The following NINJ1 variants were observed in gnomAD, a reference collection of about 807,000 sequenced individuals.
NINJ1 encodes the protein ninjurin 1.
A neutral mutation model predicts 12.7 loss-of-function variants in NINJ1; 6 were observed. The ratio of observed to expected loss-of-function variants is 0.47; its 90% CI spans 0.26 to 0.93. The LOEUF (loss-of-function observed/expected upper bound fraction) is 0.93, where lower values mean the gene tolerates loss of function less well. NINJ1 is among the 40% of genes least tolerant of loss of function. The pLI, the probability that NINJ1 is intolerant of heterozygous loss-of-function variation, is 0.15. For missense variants in NINJ1, 170 were observed against 213.0 expected (o/e 0.80, Z 1.26); for synonymous variants, 100 against 96.0 (o/e 1.04, Z -0.25).
intron 2 of NINJ1, chr9:93,125,270 C>T: frequency 2.0e-6 from 1 of 495,450 alleles, no homozygotes; most frequent in Middle Eastern, 5.3e-4. Flanking sequence ...GCTTGGGCAA[C>T]CCCACGGTCT....
At chr9:93,127,956 G>A (rs1041042114) in intron 1 of NINJ1, among the ~76,000 whole-genome samples, 3 of 152,266 alleles carry the variant, frequency 2.0e-5, no homozygotes, top group African/African-American at 7.2e-5. Flanking sequence ...AGAACCAGCA[G>A]AGGGCAGGGG....
At chr9:93,126,145 C>T (rs139855807) in intron 2 of NINJ1, 129 of 501,626 alleles carry the variant, frequency 2.6e-4, no homozygotes, top group African/African-American at 1.8e-3. Flanking sequence ...TGCAGTGAGC[C>T]GAGACTGCGC....
chr9:93,130,255 G>A (rs1827872842), intron 1 of NINJ1, among the ~76,000 whole-genome samples: 1 of 152,146 alleles, frequency 6.6e-6, no homozygotes, highest in Non-Finnish European at 1.5e-5. Context: ...TGGACGGTCG[G>A]CCTCCCCACT....
chr9:93,131,197 A>G (rs1235162885), intron 1 of NINJ1, among the ~76,000 whole-genome samples: 2 of 152,186 alleles, frequency 1.3e-5, no homozygotes, highest in Non-Finnish European at 2.9e-5. Flanking sequence ...AGGGTCTCCC[A>G]GCTCCATGTC....
At chr9:93,130,238 C>T (rs1827871853) in intron 1 of NINJ1, among the ~76,000 whole-genome samples, 1 of 152,130 alleles carries the variant, frequency 6.6e-6, no homozygotes, top group Non-Finnish European at 1.5e-5. Context: ...CCTCATGCAA[C>T]CTTCTGTGGA....
chr9:93,134,220 T>G lies in NINJ1; in HGVS notation c.-3A>C. 6.7e-7 allele frequency: 1 copy of G among 1,483,632 alleles called. No homozygotes were observed. The highest frequency in any genetic ancestry group is 9.0e-7 in the Non-Finnish European group (1 of 1,108,064). 91.9% of individuals were successfully genotyped at this position (1,483,632 alleles called of 1,614,324 possible). A position where few individuals can be genotyped will look rare whatever the true frequency, so the allele number is the denominator to read the frequency against. ...TACTCCTCGGTTCCCGAGTCCATGG[T>G]GCGGCCGCCCAGGCCGCCAGGATCC... On this transcript the variant is annotated 5_prime_UTR_variant, in exon 1 of 4. Coordinates refer to ENST00000375446, the MANE Select transcript of NINJ1 (RefSeq NM_004148.4).
In NINJ1 at chr9:93,134,159, C is replaced by G. The variant is rs904175347; in HGVS notation, c.59G>C (p.Gly20Ala). 45 of 1,558,228 alleles carry G rather than the reference C, an allele frequency of 2.9e-5. No individual in the cohort carries two copies. The highest frequency in any genetic ancestry group is 3.9e-5 in the Non-Finnish European group (45 of 1,152,002). The change falls in exon 1 of 4, where the codon GGC (glycine) becomes GCC (alanine). Residue 20 changes from glycine (G) to alanine (A), a missense_variant. Gly to Ala is a moderately conservative substitution (Grantham distance 60, BLOSUM62 0). Transcript: ENST00000375446. ...AGGTCTTACCGAGGCGTCCGGGGAG[C>G]CGGGTGTGCCCGGAGGCAGGCCGCC... ...LNGGLPPGTP[G>A]SPDASPARWG...
At chr9:93,126,339 T>A in intron 2 of NINJ1, 71 bp downstream of exon 2, 1 of 1,361,622 alleles carries the variant, frequency 7.3e-7, no homozygotes, top group Non-Finnish European at 1.0e-6. Context: ...GGTGGGCACC[T>A]GTCCCAGGCG....
At chr9:93,126,147 A>G (rs778663239) in intron 2 of NINJ1, 17 of 509,694 alleles carry the variant, frequency 3.3e-5, no homozygotes, top group Non-Finnish European at 5.6e-5. Flanking sequence ...CAGTGAGCCG[A>G]GACTGCGCCA....
Position 93,131,260 on chromosome 9 carries a change from G to A in NINJ1, c.75+2883C>T, listed in dbSNP as rs932173315. Among the ~76,000 whole-genome samples the A allele has an allele frequency of 9.9e-5, 15 of 152,244 alleles. 1 individual carries two copies. Reference sequence around the variant, plus strand: ...GACAGCAGGAAGTGCTGGAAGGCGGGGTTCCCACCACAGCTGGGCCAGGCA... The same window carrying A: ...GACAGCAGGAAGTGCTGGAAGGCGGAGTTCCCACCACAGCTGGGCCAGGCA... On this transcript the variant is annotated intron_variant, in intron 1 of 3. Transcript: ENST00000375446.
At chr9:93,126,250 G>T in intron 2 of NINJ1, 160 bp downstream of exon 2, 1 of 594,140 alleles carries the variant, frequency 1.7e-6, no homozygotes, top group Non-Finnish European at 2.9e-6. Flanking sequence ...GGGGAGGGGG[G>T]GTGCCACTTC....
chr9:93,131,204 T>C (rs1181927344), intron 1 of NINJ1, among the ~76,000 whole-genome samples: 2 of 152,176 alleles, frequency 1.3e-5, no homozygotes, highest in Non-Finnish European at 2.9e-5. Flanking sequence ...CCCAGCTCCA[T>C]GTCTGTGTTC....
At chr9:93,129,716 T>C (rs7875586) in intron 1 of NINJ1, among the ~76,000 whole-genome samples, 146,655 of 152,292 alleles carry the variant, frequency 0.96, 70,670 homozygotes, top group African/African-American at 0.99. Flanking sequence ...CCCAGAGCCA[T>C]CTCCCAGGAC....
At chr9:93,124,805 A>C (rs1217693218) in intron 3 of NINJ1, 94 bp downstream of exon 3, 6 of 1,370,422 alleles carry the variant, frequency 4.4e-6, no homozygotes, top group Non-Finnish European at 5.9e-6. Context: ...GAAGGTGTCC[A>C]AGGCTGGCCG....
chr9:93,128,253 T>C (rs1827841625), intron 1 of NINJ1, among the ~76,000 whole-genome samples: 1 of 152,214 alleles, frequency 6.6e-6, no homozygotes, highest in East Asian at 1.9e-4. Flanking sequence ...ATGGGGTGTC[T>C]ACTTTGCCTC....
chr9:93,126,727 CAGGTG>C, intron 1 of NINJ1, 89 bp from the exon 2 acceptor site: 1 of 966,162 alleles, frequency 1.0e-6, no homozygotes, highest in South Asian at 1.6e-5. Flanking sequence ...CCGGGCCCTG[CAGGTG>C]AGGGCTTCCC....
intron 1 of NINJ1, 131 bp downstream of exon 1, chr9:93,134,012 C>T (rs1460357433): frequency 1.0e-5 from 6 of 579,904 alleles, no homozygotes; most frequent in Non-Finnish European, 1.6e-5. Flanking sequence ...GCGGGAAGGA[C>T]TTGGCCTAGA....
chr9:93,134,109 G>C, intron 1 of NINJ1, 34 bp downstream of exon 1: 1 of 1,505,966 alleles, frequency 6.6e-7, no homozygotes, highest in Non-Finnish European at 9.0e-7. Flanking sequence ...ACAGGGCCTG[G>C]CAAGATCATG....
intron 1 of NINJ1, among the ~76,000 whole-genome samples, chr9:93,130,633 G>A (rs1414546241): frequency 2.0e-5 from 3 of 152,240 alleles, no homozygotes; most frequent in Non-Finnish European, 2.9e-5. Context: ...ACAAGGATGT[G>A]GAGGGGACTG....
Sources: gnomAD v4.1 joint callset for allele counts (sites outside exome capture counted in the v4.1 genomes callset) on GRCh38, gnomAD v4.1.1 for gene constraint, MANE v1.5 for transcripts, NCBI Gene and HGNC (gene_info 2026-07-23, HGNC 2026-07-21) for gene names.